ERRFI1: variants seen among roughly 807,000 people sequenced by gnomAD.
The protein encoded by ERRFI1 is mitogen-inducible gene 6 protein.
Under a neutral mutation model 14.6 loss-of-function variants are expected in ERRFI1, and 12 were observed. The ratio of observed to expected loss-of-function variants is 0.82; its 90% CI spans 0.53 to 1.33. The LOEUF (loss-of-function observed/expected upper bound fraction) is 1.33, where lower values mean the gene tolerates loss of function less well. Ranked by LOEUF, ERRFI1 falls within the 40% of genes most tolerant of loss-of-function variation. The probability of loss-of-function intolerance (pLI) is 0.00; values close to 1 mark genes in which losing one functional copy is unlikely to be tolerated. For synonymous variants in ERRFI1, 202 were observed against 209.9 expected (o/e 0.96, Z 0.32); for missense variants, 482 against 572.1 (o/e 0.84, Z 1.61).
intron 1 of ERRFI1, among the ~76,000 whole-genome samples, chr1:8,019,574 T>C (rs1414100782): frequency 6.6e-6 from 1 of 152,194 alleles, no homozygotes; most frequent in African/African-American, 2.4e-5. Flanking sequence ...ATTAAATGGA[T>C]ACTGAGAAAA....
rs964552212 is a variant in ERRFI1, at chr1:8,013,111, T to C, written c.*99A>G. ...GAAGACAGAGAGTTCAACTATTTTATTTTGCAATCTAAGGGATTTTTCTCT... is the reference window on the plus strand; with the variant it reads ...GAAGACAGAGAGTTCAACTATTTTACTTTGCAATCTAAGGGATTTTTCTCT... On this transcript the variant is annotated 3_prime_UTR_variant, in exon 4 of 4. Transcript: ENST00000377482. This position sits in a 1 kb window ranked among gnomAD's most constrained non-coding sequence, Gnocchi z 4.3. The C allele has an allele frequency of 2.6e-5, 27 of 1,027,204 alleles. No individual in the cohort carries two copies. Among genetic ancestry groups the C allele is most frequent in the Non-Finnish European group, 7.1e-6 (5 of 704,288 alleles). The allele number at this position is 1,027,204 out of a possible 1,614,324, so 63.6% of individuals were successfully genotyped here. A position where few individuals can be genotyped will look rare whatever the true frequency, so the allele number is the denominator to read the frequency against.
intron 1 of ERRFI1, among the ~76,000 whole-genome samples, chr1:8,016,909 T>G (rs1641183074): frequency 6.6e-6 from 1 of 151,628 alleles, no homozygotes; most frequent in Non-Finnish European, 1.5e-5. Context: ...AGGTTTTTTT[T>G]TTTGTTTTTT....
At position 8,014,058 on chromosome 1, in the gene ERRFI1, A is replaced by G; in HGVS notation, c.541T>C (p.Phe181Leu). 1.2e-6 allele frequency: 2 copies of G among 1,614,160 alleles called. No individual in the cohort carries two copies. Among genetic ancestry groups the G allele is most frequent in the East Asian group, 4.5e-5 (2 of 44,884 alleles). The change falls in exon 4 of 4, where the codon TTC (phenylalanine) becomes CTC (leucine). Residue 181 changes from phenylalanine (F) to leucine (L), a missense_variant. Transcript: ENST00000377482. ...GAAAGTGTAGAGTCTTCTAAAAGGA[A>G]GTCTGTATCTGAGCTAGTTAGGAAT... The part of the protein sequence containing the change: ...VEFLTSSDTD[F>L]LLEDSTLSDF...
intron 1 of ERRFI1, among the ~76,000 whole-genome samples, chr1:8,020,568 T>C (rs1243679028): frequency 6.6e-6 from 1 of 151,540 alleles, no homozygotes; most frequent in Non-Finnish European, 1.5e-5. Context: ...TTTTTTTTTT[T>C]TTGAGACGGA....
At chr1:8,014,770 C>T (rs892929363) in intron 3 of ERRFI1, 35 of 231,470 alleles carry the variant, frequency 1.5e-4, no homozygotes, top group Non-Finnish European at 2.3e-4. Flanking sequence ...ATACTAGGCA[C>T]GTAGGGTACC....
intron 1 of ERRFI1, among the ~76,000 whole-genome samples, chr1:8,018,076 T>A (rs916792075): frequency 6.6e-6 from 1 of 152,164 alleles, no homozygotes; most frequent in Non-Finnish European, 1.5e-5. Flanking sequence ...TGTGTATTCA[T>A]AGAAGGTGAC....
intron 1 of ERRFI1, among the ~76,000 whole-genome samples, chr1:8,024,779 C>A (rs1216010282): frequency 6.6e-6 from 1 of 152,108 alleles, no homozygotes; most frequent in East Asian, 1.9e-4. Flanking sequence ...CAATTATAGC[C>A]AGCATGTTAG....
chr1:8,025,987 C>A (rs951276430), intron 1 of ERRFI1, among the ~76,000 whole-genome samples, 171 bp downstream of exon 1: 2 of 151,842 alleles, frequency 1.3e-5, no homozygotes, highest in Admixed American at 1.3e-4. Flanking sequence ...GACCGGCCGG[C>A]CTCTCCCTCC....
chr1:8,020,280 G>A (rs1225575323), intron 1 of ERRFI1, among the ~76,000 whole-genome samples: 1 of 152,062 alleles, frequency 6.6e-6, no homozygotes, highest in African/African-American at 2.4e-5. Context: ...TCTGGTTCTA[G>A]AACCTGATTT....
chr1:8,014,641 C>T (rs967688754), intron 3 of ERRFI1: 19 of 474,386 alleles, frequency 4.0e-5, no homozygotes, highest in Non-Finnish European at 5.2e-5. Flanking sequence ...ATGTGCACAG[C>T]GCACACCCAC....
Position 8,013,861 on chromosome 1 carries a change from T to C in ERRFI1, c.738A>G (p.Leu246=), listed in dbSNP as rs542993175. 17 of 1,614,152 alleles carry C rather than the reference T, an allele frequency of 1.1e-5. No individual in the cohort carries two copies. The highest frequency in any genetic ancestry group is 3.3e-4 in the Middle Eastern group (2 of 6,062). The part of the protein sequence containing the change: ...NPPPPQTHRR[L]RRSHSGPAGS... ...CAGCTGGTCCCGAATGAGACCTTCT[T>C]AATCTTCGGTGGGTCTGAGGTGGAG... The change falls in exon 4 of 4, where the codon TTA becomes TTG. Residue 246 remains leucine (L), a synonymous_variant. Coordinates refer to ENST00000377482, the MANE Select transcript of ERRFI1 (RefSeq NM_018948.4). This position sits in a 1 kb window ranked among gnomAD's most constrained non-coding sequence, Gnocchi z 4.3.
At chr1:8,018,553 C>A (rs1466059456) in intron 1 of ERRFI1, among the ~76,000 whole-genome samples, 4 of 152,096 alleles carry the variant, frequency 2.6e-5, no homozygotes, top group Non-Finnish European at 5.9e-5. Context: ...CTAAAAAGTA[C>A]AAGATGGGAT....
At chr1:8,021,508 T>G (rs1175492712) in intron 1 of ERRFI1, among the ~76,000 whole-genome samples, 1 of 152,222 alleles carries the variant, frequency 6.6e-6, no homozygotes, top group African/African-American at 2.4e-5. Context: ...GATTATTTCT[T>G]ACTATAAAAG....
Position 8,013,839 on chromosome 1 carries a change from C to T in ERRFI1, c.760G>A (p.Ala254Thr), listed in dbSNP as rs2124058455. The change falls in exon 4 of 4, where the codon GCT becomes ACT. Residue 254 changes from alanine (A) to threonine (T), a missense_variant. Transcript: ENST00000377482. The surrounding 1 kb of genome is among the most constrained non-coding windows in gnomAD (Gnocchi z 4.3). ...RRLRRSHSGP[A>T]GSFNKPAIRI... ...ATGGCTGGCTTGTTAAAGGAGCCAG[C>T]TGGTCCCGAATGAGACCTTCTTAAT... 1.9e-6 allele frequency: 3 copies of T among 1,614,144 alleles called. No homozygotes were observed. The highest frequency in any genetic ancestry group is 2.5e-6 in the Non-Finnish European group (3 of 1,180,022).
At chr1:8,020,442 G>A (rs1242010636) in intron 1 of ERRFI1, among the ~76,000 whole-genome samples, 1 of 151,818 alleles carries the variant, frequency 6.6e-6, no homozygotes, top group Non-Finnish European at 1.5e-5. Flanking sequence ...CAAACTCCAT[G>A]ATTTTAGATC....
At position 8,014,202 on chromosome 1, in the gene ERRFI1, T is replaced by C. The variant is rs1286743509; in HGVS notation, c.397A>G (p.Ile133Val). 9 of 1,614,000 alleles carry C rather than the reference T, an allele frequency of 5.6e-6. No individual in the cohort carries two copies. Among genetic ancestry groups the C allele is most frequent in the Middle Eastern group, 1.6e-4 (1 of 6,082 alleles). ...GGGAAAAGGGAAGGGGAGTTTTTTA[T>C]GGGTGTCAGTGGAGGGGTGGAAGCA... is the stretch of plus-strand genomic sequence containing the variant. ...VCASTPPLTP[I>V]KNSPSLFPCA... is the part of the protein sequence containing the mutation. The change falls in exon 4 of 4, where the codon ATA (isoleucine) becomes GTA (valine). Residue 133 changes from isoleucine to valine, a missense_variant. Transcript: ENST00000377482.
intron 1 of ERRFI1, among the ~76,000 whole-genome samples, chr1:8,024,878 T>C (rs1379256363): frequency 6.6e-6 from 1 of 152,236 alleles, no homozygotes. Flanking sequence ...TCAAATAAAA[T>C]TTCACTTAAA....
chr1:8,023,781 C>CAT (rs1641304632), intron 1 of ERRFI1, among the ~76,000 whole-genome samples: 2 of 152,188 alleles, frequency 1.3e-5, no homozygotes, highest in Non-Finnish European at 2.9e-5. Context: ...AAGGTAGTAA[C>CAT]TTACATTTAG....
chr1:8,011,794 T>A lies in ERRFI1; in HGVS notation c.*1416A>T, dbSNP rs1244542545. On this transcript the variant is annotated 3_prime_UTR_variant, in exon 4 of 4. Coordinates refer to ENST00000377482, the MANE Select transcript of ERRFI1 (RefSeq NM_018948.4). ...ATTCAAAATAATGCAACAAAATGAATAAAATCCTTTGTCCAATACTGTACA... is the reference window on the plus strand; with the variant it reads ...ATTCAAAATAATGCAACAAAATGAAAAAAATCCTTTGTCCAATACTGTACA... 3 of 206,318 alleles carry A rather than the reference T, an allele frequency of 1.5e-5. No homozygotes were observed. Among genetic ancestry groups the A allele is most frequent in the African/African-American group, 2.3e-5 (1 of 43,972 alleles). The allele number at this position is 206,318 out of a possible 1,614,324, so 12.8% of individuals were successfully genotyped here.
Sources: gnomAD v4.1 joint callset for allele counts (sites outside exome capture counted in the v4.1 genomes callset) on GRCh38, gnomAD v4.1.1 for gene constraint, Gnocchi (gnomAD v3.1) non-coding constraint, MANE v1.5 for transcripts, NCBI Gene and HGNC (gene_info 2026-07-23, HGNC 2026-07-21) for gene names.